DCHS2: variants seen among roughly 807,000 people sequenced by gnomAD.
DCHS2 encodes the protein protocadherin-23.
DCHS2 carries 142 observed loss-of-function variants against 182.4 expected under a neutral mutation model. That is an observed-to-expected ratio of 0.78 (90% CI 0.68 to 0.89). DCHS2 has a LOEUF of 0.89. DCHS2 is among the 40% of genes least tolerant of loss of function. The pLI, the probability that DCHS2 is intolerant of heterozygous loss-of-function variation, is 0.00. For missense variants in DCHS2, 4,319 were observed against 4,198.6 expected, an observed-to-expected ratio of 1.03 and a Z score of -0.79; for synonymous variants, 1,740 against 1,663.3, an observed-to-expected ratio of 1.05 and a Z score of -1.12.
intron 3 of DCHS2, among the ~76,000 whole-genome samples, chr4:154,346,685 A>T (rs1287964685): frequency 6.6e-6 from 1 of 151,966 alleles, no homozygotes; most frequent in Non-Finnish European, 1.5e-5. Context: ...AGCTGCTTCT[A>T]CTTAAGACCA....
At chr4:154,363,607 A>G (rs1730222142) in intron 3 of DCHS2, among the ~76,000 whole-genome samples, 1 of 152,194 alleles carries the variant, frequency 6.6e-6, no homozygotes, top group Non-Finnish European at 1.5e-5. Context: ...GTTAGACAGG[A>G]TGAGTAAGTT....
chr4:154,238,712 T>C (rs1489138772), intron 19 of DCHS2, among the ~76,000 whole-genome samples: 1 of 152,220 alleles, frequency 6.6e-6, no homozygotes, highest in East Asian at 1.9e-4. Context: ...AAAATTATTC[T>C]TGTGCTTATT....
intron 1 of DCHS2, among the ~76,000 whole-genome samples, chr4:154,405,727 C>T (rs1732372852): frequency 6.6e-6 from 1 of 152,064 alleles, no homozygotes; most frequent in South Asian, 2.1e-4. Context: ...CCTTTAAGTC[C>T]TCGAACACAT....
Position 154,489,612 on chromosome 4 carries a change from G to A in DCHS2, c.1744C>T (p.Gln582Ter). 2 of 1,550,812 alleles carry A rather than the reference G, an allele frequency of 1.3e-6. No individual in the cohort carries two copies. Among genetic ancestry groups the A allele is most frequent in the Middle Eastern group, 1.7e-4 (1 of 5,990 alleles). ...CCGAGATTGCAGGGAGCCGAGAGTT[G>A]GACTACAGTGTAGCGCAGCCAGGCG... Reference protein sequence around the residue: ...DHAWLRYTVVQLSAPCNLGSL... With the variant: ...DHAWLRYTVV Residue 582 changes from glutamine (Q) to a stop codon, truncating the protein, a stop_gained, in exon 1 of 20, where the codon CAA becomes TAA. Transcript: ENST00000357232. LOFTEE classifies it high-confidence loss of function.
intron 1 of DCHS2, among the ~76,000 whole-genome samples, chr4:154,459,171 C>T (rs770049825): frequency 6.6e-6 from 1 of 152,068 alleles, no homozygotes; most frequent in Non-Finnish European, 1.5e-5. Context: ...TAGAACATTT[C>T]AACATTAGAT....
chr4:154,391,123 A>G, intron 1 of DCHS2: 1 of 1,553,258 alleles, frequency 6.4e-7, no homozygotes, highest in Non-Finnish European at 8.8e-7. Context: ...GAAGGAACAG[A>G]CTTATAAAAG....
chr4:154,394,743 T>C (rs1177218141), intron 1 of DCHS2, among the ~76,000 whole-genome samples: 2 of 152,148 alleles, frequency 1.3e-5, no homozygotes, highest in African/African-American at 4.8e-5. Flanking sequence ...CACTTGCCAA[T>C]GACAATATCC....
intron 1 of DCHS2, among the ~76,000 whole-genome samples, chr4:154,377,710 G>A (rs1020769957): frequency 6.6e-6 from 1 of 151,964 alleles, no homozygotes; most frequent in Non-Finnish European, 1.5e-5. Context: ...AGGTCCCTAA[G>A]GACCTTATTT....
chr4:154,283,471 G>T (rs1294206021), intron 13 of DCHS2, among the ~76,000 whole-genome samples: 1 of 139,084 alleles, frequency 7.2e-6, no homozygotes, highest in East Asian at 2.1e-4. Context: ...AAAAAAAAAA[G>T]ATGTGCAGAT....
intron 1 of DCHS2, among the ~76,000 whole-genome samples, chr4:154,466,982 T>C (rs1735267261): frequency 6.6e-6 from 1 of 152,312 alleles, no homozygotes; most frequent in African/African-American, 2.4e-5. Flanking sequence ...TTAAGTATTA[T>C]ACACAAAAAC....
intron 2 of DCHS2, among the ~76,000 whole-genome samples, chr4:154,367,271 G>A (rs1730427875): frequency 6.6e-6 from 1 of 152,158 alleles, no homozygotes; most frequent in Admixed American, 6.5e-5. Flanking sequence ...TAGCTGCAGT[G>A]TTCAGAACAG....
chr4:154,443,496 C>G (rs542210880), intron 1 of DCHS2, among the ~76,000 whole-genome samples: 1 of 152,144 alleles, frequency 6.6e-6, no homozygotes, highest in Admixed American at 6.6e-5. Context: ...CCTGAGAACA[C>G]AAAAGGTAAC....
chr4:154,269,384 C>T (rs566504196), intron 14 of DCHS2: 1 of 152,756 alleles, frequency 6.5e-6, no homozygotes, highest in East Asian at 1.9e-4. Context: ...AATTGGTATT[C>T]ATTTTAAACA....
At chr4:154,253,552 G>C (rs183419247) in intron 16 of DCHS2, among the ~76,000 whole-genome samples, 1 of 152,102 alleles carries the variant, frequency 6.6e-6, no homozygotes, top group African/African-American at 2.4e-5. Context: ...GCAGTCATCC[G>C]TGGAAGAGGA....
At chr4:154,466,958 C>T (rs1387064078) in intron 1 of DCHS2, among the ~76,000 whole-genome samples, 1 of 152,104 alleles carries the variant, frequency 6.6e-6, no homozygotes, top group Non-Finnish European at 1.5e-5. Context: ...CTCTCTTTCC[C>T]ATATTCACAG....
At chr4:154,291,677 A>G (rs905173924) in intron 13 of DCHS2, among the ~76,000 whole-genome samples, 2 of 152,204 alleles carry the variant, frequency 1.3e-5, no homozygotes, top group African/African-American at 4.8e-5. Flanking sequence ...CATTATGTTA[A>G]GTGAAATAAG....
Position 154,489,634 on chromosome 4 carries a change from G to C in DCHS2, c.1722C>G (p.Ala574=), listed in dbSNP as rs888826287. Residue 574 remains alanine (A), a synonymous_variant, in exon 1 of 20, where the codon GCC becomes GCG. Coordinates refer to ENST00000357232, the MANE Select transcript of DCHS2 (RefSeq NM_001358235.2). ...SDADEAGSDH[A]WLRYTVVQLS... ...GTTGGACTACAGTGTAGCGCAGCCA[G>C]GCGTGATCACTGCCTGCCTCGTCGG... 2.6e-6 allele frequency: 4 copies of C among 1,551,616 alleles called. No homozygotes were observed. Among genetic ancestry groups the C allele is most frequent in the Non-Finnish European group, 3.5e-6 (4 of 1,146,926 alleles).
intron 1 of DCHS2, among the ~76,000 whole-genome samples, chr4:154,398,060 T>G (rs924614006): frequency 6.6e-6 from 1 of 152,184 alleles, no homozygotes; most frequent in Non-Finnish European, 1.5e-5. Flanking sequence ...GTAGATACAC[T>G]TTGTTTTTGT....
chr4:154,298,549 C>G lies in DCHS2; in HGVS notation c.5765G>C (p.Arg1922Thr), dbSNP rs1735062029. Residue 1922 changes from arginine to threonine, a missense_variant, in exon 13 of 20, where the codon AGA (arginine) becomes ACA (threonine). Physicochemically the swap from Arg to Thr is moderately conservative, Grantham distance 71. Transcript: ENST00000357232. ...PRSSVIHLQV[R>T]VLDANDHSPS... ...ACTGTGGTCATTGGCATCCAAAACT[C>G]TAACTTGCAGGTGTATTACAGAGCT... 1 of 1,614,178 alleles carries G rather than the reference C, an allele frequency of 6.2e-7. No homozygotes were observed. The highest frequency in any genetic ancestry group is 2.2e-5 in the East Asian group (1 of 44,876).
Sources: allele counts gnomAD v4.1 joint callset (sites outside exome capture counted in the v4.1 genomes callset), GRCh38; gene constraint gnomAD v4.1.1; transcripts MANE v1.5; gene names NCBI Gene and HGNC (gene_info 2026-07-23, HGNC 2026-07-21).